CCBE1: variants seen among roughly 807,000 people sequenced by gnomAD.
The protein encoded by CCBE1 is collagen and calcium binding EGF domains 1, also known as collagen and calcium-binding EGF domain-containing protein 1.
A neutral mutation model predicts 50.0 loss-of-function variants in CCBE1; 37 were observed. The ratio of observed to expected loss-of-function variants is 0.74; its 90% confidence interval spans 0.57 to 0.97. CCBE1 has a LOEUF of 0.97. CCBE1 is among the 50% of genes least tolerant of loss of function. CCBE1 has a pLI of 0.00. For missense variants in CCBE1, 538 were observed against 523.8 expected (o/e 1.03, Z -0.26); for synonymous variants, 234 against 203.7 (o/e 1.15, Z -1.27).
chr18:59,465,652 G>A (rs1911706211), intron 5 of CCBE1: 2 of 152,172 alleles, frequency 1.3e-5, no homozygotes, highest in Admixed American at 6.5e-5. Context: ...TCCTCTGTCA[G>A]ATTGATATAA....
chr18:59,668,510 C>T (rs1383655798), intron 2 of CCBE1, among the ~76,000 whole-genome samples: 2 of 151,978 alleles, frequency 1.3e-5, no homozygotes, highest in African/African-American at 4.8e-5. Flanking sequence ...GCTTTGTTCA[C>T]ATAATATATC....
chr18:59,682,603 T>C (rs1599133827), intron 2 of CCBE1, among the ~76,000 whole-genome samples: 1 of 152,218 alleles, frequency 6.6e-6, no homozygotes, highest in East Asian at 1.9e-4. Context: ...TGAAATACCA[T>C]GCTGTAAAAT....
chr18:59,454,209 G>A (rs1157525557), intron 6 of CCBE1, among the ~76,000 whole-genome samples: 1 of 152,092 alleles, frequency 6.6e-6, no homozygotes, highest in African/African-American at 2.4e-5. Context: ...AAGGCACATA[G>A]ATTATTTCCA....
At chr18:59,594,739 G>C (rs763242032) in intron 2 of CCBE1, among the ~76,000 whole-genome samples, 1 of 152,014 alleles carries the variant, frequency 6.6e-6, no homozygotes, top group Non-Finnish European at 1.5e-5. Flanking sequence ...TCTTTAACCC[G>C]AGTCTGCACC....
intron 2 of CCBE1, among the ~76,000 whole-genome samples, chr18:59,484,761 C>T (rs568579367): frequency 2.7e-4 from 41 of 152,260 alleles, no homozygotes; most frequent in African/African-American, 9.6e-4. Context: ...TTGTGAGATT[C>T]CAGTGCGCCC....
At chr18:59,521,091 G>A (rs961616483) in intron 2 of CCBE1, among the ~76,000 whole-genome samples, 3 of 152,126 alleles carry the variant, frequency 2.0e-5, no homozygotes, top group African/African-American at 7.2e-5. Flanking sequence ...GTCCTAACTG[G>A]AATCATTAAC....
chr18:59,581,359 T>C (rs1295624180), intron 2 of CCBE1, among the ~76,000 whole-genome samples: 1 of 151,124 alleles, frequency 6.6e-6, no homozygotes, highest in Non-Finnish European at 1.5e-5. Flanking sequence ...GAGAATGGCT[T>C]GAACCTGGGA....
intron 2 of CCBE1, among the ~76,000 whole-genome samples, chr18:59,484,132 G>C (rs2143784037): frequency 6.6e-6 from 1 of 152,222 alleles, no homozygotes; most frequent in East Asian, 1.9e-4. Context: ...GTTTAAAAAA[G>C]TTCAAGCTCC....
At chr18:59,511,034 C>T (rs1192983333) in intron 2 of CCBE1, among the ~76,000 whole-genome samples, 6 of 152,176 alleles carry the variant, frequency 3.9e-5, no homozygotes. Flanking sequence ...ATGTCTGACC[C>T]CTGCTCTGAG....
intron 2 of CCBE1, among the ~76,000 whole-genome samples, chr18:59,483,633 T>C (rs1191398067): frequency 6.6e-6 from 1 of 152,218 alleles, no homozygotes; most frequent in Admixed American, 6.5e-5. Flanking sequence ...ATGTGAAATT[T>C]ATGAAAAGTT....
At chr18:59,462,581 G>T (rs1354186263) in intron 5 of CCBE1, 1 of 152,038 alleles carries the variant, frequency 6.6e-6, no homozygotes, top group East Asian at 1.9e-4. Flanking sequence ...TAGAGATGGG[G>T]TCTCACTATG....
At chr18:59,450,293 T>C (rs2143657360) in intron 6 of CCBE1, among the ~76,000 whole-genome samples, 1 of 152,302 alleles carries the variant, frequency 6.6e-6, no homozygotes, top group Admixed American at 6.5e-5. Flanking sequence ...GTAGAGCTCT[T>C]TCTAGATGGA....
At chr18:59,572,388 C>T (rs553786516) in intron 2 of CCBE1, among the ~76,000 whole-genome samples, 42 of 152,052 alleles carry the variant, frequency 2.8e-4, no homozygotes, top group African/African-American at 9.6e-4. Flanking sequence ...TATTACAGAT[C>T]GATTTTTTGA....
At chr18:59,654,895 G>T (rs1028688266) in intron 2 of CCBE1, among the ~76,000 whole-genome samples, 1 of 151,498 alleles carries the variant, frequency 6.6e-6, no homozygotes, top group East Asian at 1.9e-4. Context: ...TTGAGGTCAG[G>T]AATTTTAGAC....
chr18:59,644,295 G>A (rs561748730), intron 2 of CCBE1, among the ~76,000 whole-genome samples: 21 of 152,252 alleles, frequency 1.4e-4, no homozygotes, highest in African/African-American at 3.1e-4. Flanking sequence ...CCTGCTGTGC[G>A]GTCCAGTACC....
intron 2 of CCBE1, among the ~76,000 whole-genome samples, chr18:59,588,968 G>A (rs952486685): frequency 7.5e-4 from 114 of 152,352 alleles, no homozygotes; most frequent in African/African-American, 2.7e-3. Context: ...ACAGTGATTT[G>A]TAAGGTGTGA....
At chr18:59,570,316 G>A (rs948283404) in intron 2 of CCBE1, among the ~76,000 whole-genome samples, 4 of 152,118 alleles carry the variant, frequency 2.6e-5, no homozygotes, top group African/African-American at 4.8e-5. Context: ...ACACAAAAGA[G>A]ACACAAAACG....
chr18:59,498,964 T>C (rs565237700), intron 2 of CCBE1, among the ~76,000 whole-genome samples: 2 of 152,340 alleles, frequency 1.3e-5, no homozygotes, highest in South Asian at 4.1e-4. Context: ...CAGTTTTTCC[T>C]CCCTGTCCTG....
chr18:59,578,619 A>T (rs1423267013), intron 2 of CCBE1, among the ~76,000 whole-genome samples: 1 of 152,222 alleles, frequency 6.6e-6, no homozygotes, highest in Non-Finnish European at 1.5e-5. Flanking sequence ...ATGCACCCAT[A>T]AAAAAGGATG....
Sources: gnomAD v4.1 joint callset for allele counts (sites outside exome capture counted in the v4.1 genomes callset) on GRCh38, gnomAD v4.1.1 for gene constraint, MANE v1.5 for transcripts, NCBI Gene and HGNC (gene_info 2026-07-23, HGNC 2026-07-21) for gene names.